PKP3: variants seen among roughly 807,000 people sequenced by gnomAD.
PKP3 encodes the protein plakophilin-3.
PKP3 carries 66 observed loss-of-function variants against 76.5 expected under a neutral mutation model. That is an observed-to-expected ratio of 0.86 (90% CI 0.71 to 1.06). The LOEUF (loss-of-function observed/expected upper bound fraction) is 1.06. PKP3 is among the 50% of genes least tolerant of loss of function. The pLI is 0.00. For synonymous variants in PKP3, 638 were observed against 516.5 expected (o/e 1.24, Z -3.19); for missense variants, 1,338 against 1,141.0 (o/e 1.17, Z -2.49).
intron 6 of PKP3, 82 bp from the exon 7 acceptor site, chr11:400,252 G>A: frequency 1.4e-6 from 2 of 1,412,814 alleles, no homozygotes; most frequent in Non-Finnish European, 1.9e-6. Flanking sequence ...GCTGGGGATG[G>A]GCGTGCGAGG....
Position 400,124 on chromosome 11 carries a change from C to T in PKP3, c.1431C>T (p.Asn477=), listed in dbSNP as rs139128100. 4.5e-5 allele frequency: 70 copies of T among 1,566,348 alleles called. No homozygotes were observed. The Middle Eastern group carries it at 7.1e-4, about 16-fold the overall frequency. ...CCTCGGAGGCAGAGATCTTCTACAA[C>T]GCCACCGGCTTCCTCAGGTGCGCCA... is the stretch of plus-strand genomic sequence containing the variant. ...QNASEAEIFY[N]ATGFLRNLSS... is the part of the protein sequence containing the mutation. The change falls in exon 6 of 13, where the codon AAC becomes AAT. Residue 477 remains asparagine (N), a synonymous_variant. Coordinates refer to ENST00000331563, the MANE Select transcript of PKP3 (RefSeq NM_007183.4).
At position 397,078 on chromosome 11, in the gene PKP3, G is replaced by A. The variant is rs200877353; in HGVS notation, c.577G>A (p.Asp193Asn). 2.0e-5 allele frequency: 32 copies of A among 1,598,586 alleles called. No homozygotes were observed. In the East Asian group the frequency reaches 4.0e-4, roughly 20 times the overall value. The change falls in exon 3 of 13, where the codon GAC becomes AAC. Residue 193 changes from aspartate (D) to asparagine (N), a missense_variant. By Grantham distance (23) the Asp-to-Asn change is conservative. Coordinates refer to ENST00000331563, the MANE Select transcript of PKP3 (RefSeq NM_007183.4). Reference protein sequence around the residue: ...SLRLGPGGLDDRYSLVSEQLE... With the variant: ...SLRLGPGGLDNRYSLVSEQLE... The stretch of plus-strand genomic sequence containing the variant: ...GCGGCTGGGGCCCGGGGGCCTGGAC[G>A]ACCGCTACAGCCTGGTGTCTGAGCA...
Position 397,322 on chromosome 11 carries a change from C to T in PKP3, c.821C>T (p.Pro274Leu), listed in dbSNP as rs552381205. 1 of 1,579,586 alleles carries T rather than the reference C, an allele frequency of 6.3e-7. No individual in the cohort carries two copies. Among genetic ancestry groups the T allele is most frequent in the East Asian group, 2.3e-5 (1 of 42,764 alleles). ...GCAGTGCCGGGGGCCGTCCTGGAGC[C>T]AGTGGCTCGAGCGCCATCTGTGCGC... ...GGAVPGAVLE[P>L]VARAPSVRSL... The change falls in exon 3 of 13, where the codon CCA becomes CTA. Residue 274 changes from proline to leucine, a missense_variant. Coordinates refer to ENST00000331563, the MANE Select transcript of PKP3 (RefSeq NM_007183.4).
intron 10 of PKP3, 33 bp downstream of exon 10, chr11:403,804 T>C (rs1268481323): frequency 1.2e-6 from 2 of 1,600,262 alleles, no homozygotes; most frequent in Admixed American, 1.7e-5. Flanking sequence ...CCTGCCCTGC[T>C]GGACCCACAT....
chr11:403,035 CCCGCTCACCCCGA>C, intron 8 of PKP3, 30 bp from the exon 9 acceptor site: 2 of 906,214 alleles, frequency 2.2e-6, no homozygotes, highest in South Asian at 2.1e-5. Context: ...CTCACCCCGA[CCCGCTCACCCCGA>C]CCCCGCCGAC....
Position 396,864 on chromosome 11 carries a change from C to G in PKP3, c.363C>G (p.Ser121=). The part of the protein sequence containing the change: ...KPAYSPASWS[S]RSAVDLSCSR... The stretch of plus-strand genomic sequence containing the variant: ...CCTACAGCCCAGCCTCCTGGTCCTC[C>G]CGCTCCGCCGTGGATCTGAGCTGCA... Residue 121 remains serine (S), a synonymous_variant, in exon 3 of 13, where the codon TCC becomes TCG. Transcript: ENST00000331563. 1 of 1,599,994 alleles carries G rather than the reference C, an allele frequency of 6.3e-7. No individual in the cohort carries two copies. The highest frequency in any genetic ancestry group is 1.3e-5 in the African/African-American group (1 of 74,878).
At position 400,088 on chromosome 11, in the gene PKP3, C is replaced by A; in HGVS notation, c.1395C>A (p.Ile465=). The A allele has an allele frequency of 6.3e-7, 1 of 1,595,574 alleles. No homozygotes were observed. The change falls in exon 6 of 13, where the codon ATC becomes ATA. Residue 465 remains isoleucine (I), a synonymous_variant. Transcript: ENST00000331563. ...PLSGAGGPPL[I]QQNASEAEIF... ...CGGGGGCTGGGGGTCCCCCCCTCAT[C>A]CAGCAGAACGCCTCGGAGGCAGAGA...
In PKP3 at chr11:403,925, A is replaced by AC. The variant is rs749423581; in HGVS notation, c.2078-13dup. On this transcript the variant is annotated splice_polypyrimidine_tract_variant and intron_variant, in intron 10 of 12. Transcript: ENST00000331563. ...TGGCCAGGAGTAGGGGTGCAGACTGACCCCCGGCCTCCCACAGCCACGAAG... is the reference window on the plus strand; with the variant it reads ...TGGCCAGGAGTAGGGGTGCAGACTGACCCCCCGGCCTCCCACAGCCACGAAG... 11 of 1,581,278 alleles carry AC rather than the reference A, an allele frequency of 7.0e-6. No homozygotes were observed. In the African/African-American group the frequency reaches 1.3e-4, roughly 19 times the overall value.
At chr11:400,870 C>A (rs1183603991) in intron 8 of PKP3, among the ~76,000 whole-genome samples, 165 bp downstream of exon 8, 1 of 56,404 alleles carries the variant, frequency 1.8e-5, no homozygotes, top group Non-Finnish European at 3.5e-5. Context: ...CCCGCTCACA[C>A]CCGCCCCGCT....
At position 400,146 on chromosome 11, in the gene PKP3, G is replaced by T. The variant is rs541372577; in HGVS notation, c.1448+5G>T. ...CAACGCCACCGGCTTCCTCAGGTGC[G>T]CCAGCCTCGGGCAGCGGGGTGGGGA... On this transcript the variant is annotated splice_donor_5th_base_variant and intron_variant, in intron 6 of 12. Coordinates refer to ENST00000331563, the MANE Select transcript of PKP3 (RefSeq NM_007183.4). 2.6e-6 allele frequency: 4 copies of T among 1,540,752 alleles called. No homozygotes were observed. The highest frequency in any genetic ancestry group is 2.5e-5 in the South Asian group (2 of 81,338).
Position 404,183 on chromosome 11 carries a change from G to A in PKP3, c.2270+48G>A. The A allele has an allele frequency of 1.9e-6, 3 of 1,608,548 alleles. No homozygotes were observed. The highest frequency in any genetic ancestry group is 1.1e-5 in the South Asian group (1 of 90,882). On this transcript the variant is annotated intron_variant, in intron 11 of 12. Transcript: ENST00000331563. The surrounding 1 kb of genome is among the most constrained non-coding windows in gnomAD (Gnocchi z 4.2). ...AGCAGCCTGGTCAGGGGTCCTCCCAGTCCACCCTGCTTTCTGGCTGTGTGT... is the reference window on the plus strand; with the variant it reads ...AGCAGCCTGGTCAGGGGTCCTCCCAATCCACCCTGCTTTCTGGCTGTGTGT...
At position 399,054 on chromosome 11, in the gene PKP3, G is replaced by C. The variant is rs1847102278; in HGVS notation, c.1131G>C (p.Val377=). The change falls in exon 5 of 13, where the codon GTG becomes GTC. Residue 377 remains valine (V), a synonymous_variant. Transcript: ENST00000331563. ...TCTTCAACCACGCCAACCAGGAAGT[G>C]CAGCGCCATGCCACAGGTGCCATGC... The part of the protein sequence containing the change: ...VKLFNHANQE[V]QRHATGAMRN... 6.2e-6 allele frequency: 10 copies of C among 1,609,876 alleles called. No individual in the cohort carries two copies. In the East Asian group the frequency reaches 2.2e-4, roughly 36 times the overall value.
chr11:399,390 CCCCACTCCTCCACCTG>C (rs1426609722), intron 5 of PKP3, among the ~76,000 whole-genome samples, 194 bp downstream of exon 5: 3 of 44,694 alleles, frequency 6.7e-5, no homozygotes, highest in African/African-American at 3.1e-4. Flanking sequence ...CCGCCATCTG[CCCCACTCCTCCACCTG>C]CCCCCTCCTC....
At chr11:398,035 CGT>C in intron 4 of PKP3, among the ~76,000 whole-genome samples, 1 of 117,104 alleles carries the variant, frequency 8.5e-6, no homozygotes, top group African/African-American at 3.6e-5. Flanking sequence ...GCGTCACCTC[CGT>C]ACCCCCGCAC....
intron 6 of PKP3, 96 bp from the exon 7 acceptor site, chr11:400,238 T>A: frequency 7.1e-7 from 1 of 1,408,596 alleles, no homozygotes; most frequent in Non-Finnish European, 9.6e-7. Context: ...ACCGCACGCC[T>A]CGCGCTGGGG....
At position 400,385 on chromosome 11, in the gene PKP3, C is replaced by T. The variant is rs1847131730; in HGVS notation, c.1500C>T (p.His500=). The T allele has an allele frequency of 1.9e-6, 3 of 1,549,100 alleles. No individual in the cohort carries two copies. Among genetic ancestry groups the T allele is most frequent in the African/African-American group, 1.4e-5 (1 of 73,014 alleles). Residue 500 remains histidine (H), a synonymous_variant, in exon 7 of 13, where the codon CAC becomes CAT. Coordinates refer to ENST00000331563, the MANE Select transcript of PKP3 (RefSeq NM_007183.4). ...QATRQKMREC[H]GLVDALVTSI... Reference sequence around the variant, plus strand: ...CTCGCCAGAAGATGCGGGAGTGCCACGGGCTGGTGGACGCCCTGGTCACCT... The same window carrying T: ...CTCGCCAGAAGATGCGGGAGTGCCATGGGCTGGTGGACGCCCTGGTCACCT...
At position 404,492 on chromosome 11, in the gene PKP3, G is replaced by A. The variant is rs1847221660; in HGVS notation, c.2359-42G>A. On this transcript the variant is annotated intron_variant, in intron 12 of 12. Coordinates refer to ENST00000331563, the MANE Select transcript of PKP3 (RefSeq NM_007183.4). The surrounding 1 kb of genome is among the most constrained non-coding windows in gnomAD (Gnocchi z 4.2). Reference sequence around the variant, plus strand: ...AGGGACAGCGGGCAGAGGGCCACATGGGCAGACATGCACCCTGACCTTGGG... The same window carrying A: ...AGGGACAGCGGGCAGAGGGCCACATAGGCAGACATGCACCCTGACCTTGGG... 6.2e-7 allele frequency: 1 copy of A among 1,606,410 alleles called. No individual in the cohort carries two copies. The highest frequency in any genetic ancestry group is 8.5e-7 in the Non-Finnish European group (1 of 1,174,358).
At position 396,707 on chromosome 11, in the gene PKP3, C is replaced by T. The variant is rs779571085; in HGVS notation, c.312+20C>T. 5 of 1,600,380 alleles carry T rather than the reference C, an allele frequency of 3.1e-6. No homozygotes were observed. Among genetic ancestry groups the T allele is most frequent in the African/African-American group, 2.7e-5 (2 of 74,698 alleles). ...ACCTCGGTGAGCGATGGGCCCAGCC[C>T]GAGGGGGACGATCTGAGCTCTGCAG... On this transcript the variant is annotated intron_variant, in intron 2 of 12. Coordinates refer to ENST00000331563, the MANE Select transcript of PKP3 (RefSeq NM_007183.4).
intron 1 of PKP3, 58 bp downstream of exon 1, chr11:394,582 G>A: frequency 7.7e-7 from 1 of 1,294,578 alleles, no homozygotes; most frequent in Non-Finnish European, 9.9e-7. Context: ...GCTGCGGGCG[G>A]ACGTGATAGT....
Sources: gnomAD v4.1 joint callset for allele counts (sites outside exome capture counted in the v4.1 genomes callset) on GRCh38, gnomAD v4.1.1 for gene constraint, Gnocchi (gnomAD v3.1) non-coding constraint, MANE v1.5 for transcripts, NCBI Gene and HGNC (gene_info 2026-07-23, HGNC 2026-07-21) for gene names.